The following SCNN1G variants were observed in gnomAD, a reference collection of about 807,000 sequenced individuals.
The protein encoded by SCNN1G is epithelial sodium channel subunit gamma.
Under a neutral mutation model 64.6 loss-of-function variants are expected in SCNN1G, and 27 were observed. The observed-to-expected ratio is 0.42, with a 90% CI of 0.31 to 0.58. The LOEUF is 0.58. Ranked by LOEUF, SCNN1G falls within the 20% of genes least tolerant of loss-of-function variation. The pLI, the probability that SCNN1G is intolerant of heterozygous loss-of-function variation, is 0.18. For missense variants in SCNN1G, 743 were observed against 823.4 expected, an observed-to-expected ratio of 0.90 and a Z score of 1.19; for synonymous variants, 330 against 314.2, an observed-to-expected ratio of 1.05 and a Z score of -0.53.
intron 3 of SCNN1G, among the ~76,000 whole-genome samples, chr16:23,191,419 C>G (rs1959706547): frequency 6.6e-6 from 1 of 152,096 alleles, no homozygotes; most frequent in Non-Finnish European, 1.5e-5. Flanking sequence ...AAAATCAACT[C>G]TTTATATAGA....
intron 7 of SCNN1G, 116 bp from the exon 8 acceptor site, chr16:23,211,918 T>C (rs1960085451): frequency 3.8e-6 from 3 of 797,496 alleles, no homozygotes; most frequent in Non-Finnish European, 6.7e-6. Context: ...AGGGGCAGGT[T>C]CATGTGGTTG....
chr16:23,192,387 C>G lies in SCNN1G; in HGVS notation c.654C>G (p.Thr218=), dbSNP rs150911038. Residue 218 remains threonine (T), a synonymous_variant, in exon 4 of 13, where the codon ACC becomes ACG. Coordinates refer to ENST00000300061, the MANE Select transcript of SCNN1G (RefSeq NM_001039.4). The stretch of plus-strand genomic sequence containing the variant: ...ACACCTCCGACTGTGCCACCTACAC[C>G]TTCAGCTCGGGAATCAATGCCATTC... ...SNDTSDCATY[T]FSSGINAIQE... 3.7e-6 allele frequency: 6 copies of G among 1,614,158 alleles called. No homozygotes were observed. The African/African-American group carries it at 8.0e-5, about 22-fold the overall frequency.
At chr16:23,213,272 T>C (rs1960110818) in intron 11 of SCNN1G, 109 bp downstream of exon 11, 2 of 750,840 alleles carry the variant, frequency 2.7e-6, no homozygotes, top group Non-Finnish European at 2.3e-6. Context: ...TTTTTTTTTT[T>C]TATGGAGTCT....
rs752432261 is a variant in SCNN1G at position 23,209,755 on chromosome 16, G to A, written c.1083G>A (p.Glu361=). The change falls in exon 7 of 13, where the codon GAG becomes GAA. Residue 361 remains glutamate (E), a synonymous_variant. Transcript: ENST00000300061. ...MVTSIGMHLT[E]SFKLSEPYSQ... ...GTGTGCTGCTGTGATTGCAGACAGA[G>A]TCCTTCAAGCTGAGTGAGCCCTACA... The A allele has an allele frequency of 1.3e-5, 21 of 1,613,160 alleles. No individual in the cohort carries two copies. Among genetic ancestry groups the A allele is most frequent in the Non-Finnish European group, 1.8e-5 (21 of 1,179,162 alleles).
intron 6 of SCNN1G, among the ~76,000 whole-genome samples, chr16:23,203,457 T>A (rs964745203): frequency 1.3e-5 from 2 of 152,074 alleles, no homozygotes; most frequent in Non-Finnish European, 2.9e-5. Flanking sequence ...ACAAGTTCAG[T>A]CTATGCCAAA....
chr16:23,194,243 T>A lies in SCNN1G; in HGVS notation c.882T>A (p.Ile294=), dbSNP rs943348570. The change falls in exon 5 of 13, where the codon ATT becomes ATA. Residue 294 remains isoleucine (I), a synonymous_variant. Coordinates refer to ENST00000300061, the MANE Select transcript of SCNN1G (RefSeq NM_001039.4). ...TCAACAACAGAGAAAATGAGACCAT[T>A]CTCAGCACCTCCATGGGGGGCAGCG... ...YTFNNRENET[I]LSTSMGGSEY... The A allele has an allele frequency of 6.2e-7, 1 of 1,613,288 alleles. No individual in the cohort carries two copies. The highest frequency in any genetic ancestry group is 8.5e-7 in the Non-Finnish European group (1 of 1,179,308).
intron 6 of SCNN1G, among the ~76,000 whole-genome samples, chr16:23,199,054 A>G (rs1258064325): frequency 6.6e-6 from 1 of 151,906 alleles, no homozygotes; most frequent in Non-Finnish European, 1.5e-5. Context: ...ATTTAAAGAG[A>G]GTGTCCACAC....
intron 12 of SCNN1G, 36 bp downstream of exon 12, chr16:23,214,823 G>GAA: frequency 3.2e-6 from 5 of 1,545,278 alleles, no homozygotes; most frequent in Non-Finnish European, 4.5e-6. Flanking sequence ...ACCTGTCCTG[G>GAA]GCCTACAAAT....
chr16:23,194,345 G>T, intron 5 of SCNN1G, 71 bp downstream of exon 5: 1 of 1,054,144 alleles, frequency 9.5e-7, no homozygotes, highest in Non-Finnish European at 1.5e-6. Flanking sequence ...GGACAGTGGG[G>T]ATGCGGGAGC....
intron 4 of SCNN1G, among the ~76,000 whole-genome samples, chr16:23,193,452 C>A (rs953494007): frequency 1.3e-5 from 2 of 152,048 alleles, no homozygotes; most frequent in East Asian, 3.9e-4. Flanking sequence ...TCGAGACCAG[C>A]CTGGGCAATG....
chr16:23,195,905 T>C (rs1386232917), intron 5 of SCNN1G: 1 of 152,254 alleles, frequency 6.6e-6, no homozygotes, highest in Non-Finnish European at 1.5e-5. Context: ...TAGACCCTGC[T>C]GATTCACTCA....
intron 5 of SCNN1G, among the ~76,000 whole-genome samples, chr16:23,194,644 C>T (rs1397410500): frequency 6.6e-6 from 1 of 152,202 alleles, no homozygotes; most frequent in African/African-American, 2.4e-5. Flanking sequence ...AGTAGACGCA[C>T]ATTTATCTTA....
chr16:23,202,305 T>A (rs1328621129), intron 6 of SCNN1G, among the ~76,000 whole-genome samples: 1 of 151,498 alleles, frequency 6.6e-6, no homozygotes, highest in East Asian at 1.9e-4. Context: ...GATGGATGGA[T>A]GGATGGATAG....
chr16:23,198,793 A>G (rs1959838956), intron 6 of SCNN1G, among the ~76,000 whole-genome samples: 1 of 149,480 alleles, frequency 6.7e-6, no homozygotes, highest in South Asian at 2.1e-4. Flanking sequence ...CAGTGCATAG[A>G]CTTGTAGTCC....
At chr16:23,202,699 A>G (rs1369917707) in intron 6 of SCNN1G, among the ~76,000 whole-genome samples, 2 of 152,324 alleles carry the variant, frequency 1.3e-5, no homozygotes, top group East Asian at 3.9e-4. Context: ...GATTTCACGG[A>G]TATTATAGCA....
At chr16:23,205,707 A>G (rs1254104538) in intron 6 of SCNN1G, among the ~76,000 whole-genome samples, 10 of 151,410 alleles carry the variant, frequency 6.6e-5, no homozygotes, top group African/African-American at 1.9e-4. Context: ...CTCCAAGAAA[A>G]AAAAAAAAAA....
At chr16:23,208,315 C>G (rs183515145) in intron 6 of SCNN1G, among the ~76,000 whole-genome samples, 30 of 151,894 alleles carry the variant, frequency 2.0e-4, no homozygotes, top group African/African-American at 7.0e-4. Context: ...CCACTGCACT[C>G]CACCCTGGGT....
Position 23,214,800 on chromosome 16 carries a change from GCTTC to G in SCNN1G, c.1569+19_1569+22del. 6.2e-7 allele frequency: 1 copy of G among 1,606,700 alleles called. No individual in the cohort carries two copies. The highest frequency in any genetic ancestry group is 8.5e-7 in the Non-Finnish European group (1 of 1,173,314). On this transcript the variant is annotated intron_variant, in intron 12 of 12. Transcript: ENST00000300061. ...CCCAGCCAACAGTGTGAGTAGAGTG[GCTTC>G]CTTCCAGGACCTGTCCTGGGCCTAC...
intron 1 of SCNN1G, among the ~76,000 whole-genome samples, chr16:23,183,034 C>T (rs915330059): frequency 2.0e-5 from 3 of 152,208 alleles, no homozygotes; most frequent in African/African-American, 7.2e-5. Context: ...CGAAGCCAGT[C>T]GAGAGCCACT....
Sources: gnomAD v4.1 joint callset for allele counts (sites outside exome capture counted in the v4.1 genomes callset) on GRCh38, gnomAD v4.1.1 for gene constraint, MANE v1.5 for transcripts, NCBI Gene and HGNC (gene_info 2026-07-23, HGNC 2026-07-21) for gene names.